CALN1: variants seen among roughly 807,000 people sequenced by gnomAD.
CALN1 encodes calneuron 1.
Under a neutral mutation model 30.6 loss-of-function variants are expected in CALN1, and 17 were observed. The observed-to-expected ratio is 0.56, with a 90% CI of 0.38 to 0.83. The LOEUF is 0.83. Among genes scored for constraint, CALN1 ranks in the 40% least tolerant of loss-of-function variants. The pLI is 0.00. For synonymous variants in CALN1, 156 were observed against 131.4 expected (o/e 1.19, Z -1.28); for missense variants, 291 against 354.9 (o/e 0.82, Z 1.45).
chr7:71,943,148 C>T (rs1344521552), intron 5 of CALN1, among the ~76,000 whole-genome samples: 18 of 152,192 alleles, frequency 1.2e-4, no homozygotes, highest in Non-Finnish European at 4.4e-5. Flanking sequence ...GTCACGGGTG[C>T]ATCCTCAACC....
chr7:72,191,882 C>T (rs1457369486), intron 3 of CALN1, among the ~76,000 whole-genome samples: 2 of 152,206 alleles, frequency 1.3e-5, no homozygotes, highest in African/African-American at 4.8e-5. Flanking sequence ...CCCCGCTAGG[C>T]TAGCACCCGT....
intron 5 of CALN1, among the ~76,000 whole-genome samples, chr7:71,823,623 C>G (rs1788726627): frequency 6.6e-6 from 1 of 151,924 alleles, no homozygotes; most frequent in Non-Finnish European, 1.5e-5. Context: ...GAGACTGAGG[C>G]AGAAGAATTG....
chr7:72,355,145 T>C (rs76115058), intron 2 of CALN1, among the ~76,000 whole-genome samples: 31,102 of 152,096 alleles, frequency 0.2, 4,040 homozygotes, highest in East Asian at 0.37. Flanking sequence ...CATGCTCAAG[T>C]GATCCGCCCA....
chr7:71,820,494 C>A (rs957573049), intron 5 of CALN1, among the ~76,000 whole-genome samples: 1 of 152,168 alleles, frequency 6.6e-6, no homozygotes, highest in African/African-American at 2.4e-5. Context: ...TGTTTAGAGC[C>A]TGAGTCTTTT....
At chr7:72,153,521 TAAA>T (rs372104313) in intron 3 of CALN1, among the ~76,000 whole-genome samples, 1 of 142,996 alleles carries the variant, frequency 7.0e-6, no homozygotes, top group African/African-American at 2.6e-5. Flanking sequence ...TCTACAAAAT[TAAA>T]AAAAAAAAAA....
At chr7:72,325,723 A>G (rs1310504096) in intron 2 of CALN1, among the ~76,000 whole-genome samples, 1 of 152,194 alleles carries the variant, frequency 6.6e-6, no homozygotes, top group Non-Finnish European at 1.5e-5. Context: ...TCTTGGCAGG[A>G]AAAGAAAACC....
rs1280347811 is a variant in CALN1 at position 72,403,305 on chromosome 7, G to A, written c.65C>T (p.Ala22Val). The change falls in exon 2 of 7, where the codon GCC becomes GTC. Residue 22 changes from alanine to valine, a missense_variant. This residue lies in a region of CALN1 where 122 missense variants were observed against 103.2 expected (regional missense o/e 1.18). Transcript: ENST00000395275. ...CGGCGGCTCCTCTCCCCCTCCGAGGGCTCCTCCGTCCCCCTTTTTCTCATT... is the reference window on the plus strand; with the variant it reads ...CGGCGGCTCCTCTCCCCCTCCGAGGACTCCTCCGTCCCCCTTTTTCTCATT... ...PENEKKGDGG[A>V]LGGGEEPPRS... The A allele has an allele frequency of 5.2e-6, 8 of 1,550,306 alleles. No individual in the cohort carries two copies. Among genetic ancestry groups the A allele is most frequent in the Admixed American group, 2.0e-5 (1 of 51,034 alleles).
At chr7:72,469,836 G>C in the CALN1 span, among the ~76,000 whole-genome samples, 1 of 152,096 alleles carries the variant, frequency 6.6e-6, no homozygotes, top group African/African-American at 2.4e-5. Context: ...CCCAGTCAAG[G>C]GTAGGTGACT....
intron 5 of CALN1, among the ~76,000 whole-genome samples, chr7:71,882,204 G>A (rs1318625485): frequency 1.3e-5 from 2 of 152,144 alleles, no homozygotes; most frequent in Non-Finnish European, 2.9e-5. Flanking sequence ...TGGCTCATGG[G>A]CCCATCCCTC....
At position 72,236,050 on chromosome 7, in the gene CALN1, C is replaced by G. The variant is rs1794455907; in HGVS notation, c.244+42636G>C. Among the ~76,000 whole-genome samples the G allele has an allele frequency of 2.0e-5, 3 of 146,634 alleles. 1 individual carries two copies. ...TTTGAGCCCAGGAGTTCGAGACCTG[C>G]CTGGGCAATATAATGAGCCCATTCT... On this transcript the variant is annotated intron_variant, in intron 3 of 6. Transcript: ENST00000395275.
intron 3 of CALN1, among the ~76,000 whole-genome samples, chr7:72,217,951 T>C (rs1792963896): frequency 1.4e-5 from 2 of 142,846 alleles, no homozygotes; most frequent in Admixed American, 1.5e-4. Flanking sequence ...CACGCCATTC[T>C]CCTGCCTCAG....
chr7:72,475,805 C>T, the CALN1 span, among the ~76,000 whole-genome samples: 2 of 152,004 alleles, frequency 1.3e-5, no homozygotes, highest in Admixed American at 1.3e-4. Flanking sequence ...TGGGAGGAAC[C>T]TGGTGAGAGG....
intron 3 of CALN1, among the ~76,000 whole-genome samples, chr7:72,225,365 G>T (rs1190339597): frequency 5.9e-5 from 9 of 151,886 alleles, no homozygotes; most frequent in East Asian, 2.0e-4. Flanking sequence ...CAACTGACTC[G>T]ATACTTAAGT....
intron 4 of CALN1, among the ~76,000 whole-genome samples, chr7:72,070,770 T>G (rs1267153712): frequency 6.6e-6 from 1 of 152,224 alleles, no homozygotes; most frequent in Admixed American, 6.5e-5. Flanking sequence ...TGTTAGACTT[T>G]GCCACTTCAG....
At chr7:72,431,407 C>T (rs78743421) in intron 1 of CALN1, among the ~76,000 whole-genome samples, 11 of 152,286 alleles carry the variant, frequency 7.2e-5, no homozygotes, top group South Asian at 2.1e-4. Flanking sequence ...CCAGCACACA[C>T]GCACACATGT....
chr7:71,984,520 A>T (rs1248373236), intron 5 of CALN1, among the ~76,000 whole-genome samples: 1 of 152,208 alleles, frequency 6.6e-6, no homozygotes, highest in African/African-American at 2.4e-5. Context: ...CACGCACTGG[A>T]GAGAACATTT....
the CALN1 span, among the ~76,000 whole-genome samples, chr7:72,478,136 G>A: frequency 1.1e-4 from 17 of 151,996 alleles, no homozygotes; most frequent in South Asian, 1.7e-3. Flanking sequence ...CAATACTTTG[G>A]GAGGCTGAGT....
rs71069052 is a variant in CALN1, at chr7:72,287,435, A to ATT, written c.120-8627_120-8626dup. Among the ~76,000 whole-genome samples, 126 of 68,080 alleles carry ATT rather than the reference A, an allele frequency of 1.9e-3. 9 individuals carry two copies. Among genetic ancestry groups the ATT allele is most frequent in the African/African-American group, 6.5e-3 (108 of 16,650 alleles). The allele number at this position is 68,080 out of a possible 152,430, so 44.7% of individuals were successfully genotyped here. A position where few individuals can be genotyped will look rare whatever the true frequency, so the allele number is the denominator to read the frequency against. ...AAATCCATACACATACACCAAATTA[A>ATT]TTTTTTTTTTTTTTTTTTTTTTTTT... On this transcript the variant is annotated intron_variant, in intron 2 of 6. Transcript: ENST00000395275.
At chr7:72,246,262 C>A (rs1562790014) in intron 3 of CALN1, among the ~76,000 whole-genome samples, 1 of 152,162 alleles carries the variant, frequency 6.6e-6, no homozygotes, top group Non-Finnish European at 1.5e-5. Context: ...CTTTCTTTGG[C>A]AGAGGATAAA....
Sources: gnomAD v4.1 joint callset for allele counts (sites outside exome capture counted in the v4.1 genomes callset) on GRCh38, gnomAD v4.1.1 for gene constraint, gnomAD v4.1.1 regional missense constraint, MANE v1.5 for transcripts, NCBI Gene and HGNC (gene_info 2026-07-23, HGNC 2026-07-21) for gene names.